The following XG variants were observed in gnomAD, a reference collection of about 807,000 sequenced individuals.
The protein encoded by XG is glycoprotein Xg.
XG carries 24 observed loss-of-function variants against 25.7 expected under a neutral mutation model. That is an observed-to-expected ratio of 0.93 (90% CI 0.68 to 1.31). The LOEUF (loss-of-function observed/expected upper bound fraction) is 1.31. Ranked by LOEUF, XG falls within the 40% of genes most tolerant of loss-of-function variation. The pLI is 0.00. For synonymous variants in XG, 77 were observed against 69.2 expected, an observed-to-expected ratio of 1.11 and a Z score of -0.56; for missense variants, 181 against 187.6, an observed-to-expected ratio of 0.96 and a Z score of 0.21.
intron 1 of XG, 26 bp downstream of exon 1, chrX:2,752,361 G>A (rs769688239): frequency 1.2e-6 from 2 of 1,612,368 alleles, no homozygotes; most frequent in African/African-American, 2.7e-5. Flanking sequence ...CTTTGAGGGA[G>A]ATCTGCCTGG....
chrX:2,776,327 G>A (rs1336215570), intron 3 of XG, among the ~76,000 whole-genome samples: 1 of 152,196 alleles, frequency 6.6e-6, no homozygotes, highest in African/African-American at 2.4e-5. Context: ...ATAAATGGTT[G>A]CAGGAAAGTA....
chrX:2,775,849 G>A (rs1260119475), intron 3 of XG, among the ~76,000 whole-genome samples: 11 of 150,974 alleles, frequency 7.3e-5, no homozygotes, highest in Non-Finnish European at 1.2e-4. Context: ...CCAGCTACTC[G>A]GGAGGCTGAG....
At chrX:2,805,473 C>G (rs1603457924) in intron 7 of XG, among the ~76,000 whole-genome samples, 1 of 110,356 alleles carries the variant, frequency 9.1e-6, no homozygotes, top group East Asian at 2.9e-4. Flanking sequence ...CTCACAGGGT[C>G]GTCCCTCTGT....
At chrX:2,756,325 T>C (rs1446130253) in intron 1 of XG, among the ~76,000 whole-genome samples, 8 of 151,982 alleles carry the variant, frequency 5.3e-5, no homozygotes, top group African/African-American at 1.7e-4. Context: ...ATGTCATTTA[T>C]TGAGGGGAAA....
chrX:2,768,906 G>A (rs1319669053), intron 1 of XG, among the ~76,000 whole-genome samples: 1 of 152,340 alleles, frequency 6.6e-6, no homozygotes, highest in Admixed American at 6.5e-5. Flanking sequence ...TGAGAGGGAC[G>A]TGGGGGCTCC....
Position 2,801,100 on chromosome X carries a change from A to C in XG, c.373+3740A>C, listed in dbSNP as rs182555748. Among the ~76,000 whole-genome samples, 5 of 110,460 alleles carry C rather than the reference A, an allele frequency of 4.5e-5. No individual in the cohort carries two copies. In the East Asian group the frequency reaches 1.4e-3, roughly 31 times the overall value. On this transcript the variant is annotated intron_variant, in intron 7 of 10. Coordinates refer to ENST00000644266, the MANE Select transcript of XG (RefSeq NM_001141919.2). ...AGCTAAGGGGTTCCCCTTACCTACT[A>C]CCTAGGTAGACCTGATTTATTAAGA... is the stretch of plus-strand genomic sequence containing the variant.
chrX:2,786,354 G>A (rs1023524566), intron 4 of XG, among the ~76,000 whole-genome samples: 2 of 97,641 alleles, frequency 2.0e-5, no homozygotes, highest in African/African-American at 3.8e-5. Context: ...TGCAACCTCC[G>A]CCTCCTGGGT....
intron 6 of XG, among the ~76,000 whole-genome samples, chrX:2,795,491 ATATCTT>A (rs57320118): frequency 0.088 from 9,297 of 106,208 alleles, 928 homozygotes; most frequent in African/African-American, 0.28. Context: ...ACATATGTGT[ATATCTT>A]TATATGTGTG....
intron 1 of XG, among the ~76,000 whole-genome samples, chrX:2,755,723 A>G (rs1181310497): frequency 6.6e-6 from 1 of 152,108 alleles, no homozygotes; most frequent in African/African-American, 2.4e-5. Flanking sequence ...CCTTCTGTGT[A>G]AATAAGATGA....
At chrX:2,790,062 G>T (rs5982861) in intron 5 of XG, among the ~76,000 whole-genome samples, 3,632 of 110,465 alleles carry the variant, frequency 0.033, 140 homozygotes, top group African/African-American at 0.11. Flanking sequence ...CAAATTTTTT[G>T]CAGAGACAGG....
At chrX:2,785,228 G>T (rs781388924) in intron 4 of XG, among the ~76,000 whole-genome samples, 2 of 111,601 alleles carry the variant, frequency 1.8e-5, no homozygotes, top group South Asian at 3.8e-4. Flanking sequence ...TTATGCCTCA[G>T]TCTGGCCCAG....
chrX:2,773,837 G>GAGAAGGAAGGAAGGA (rs1569462184), intron 2 of XG, among the ~76,000 whole-genome samples: 10 of 143,592 alleles, frequency 7.0e-5, no homozygotes, highest in African/African-American at 2.3e-4. Context: ...GAAGGAAGGA[G>GAGAAGGAAGGAAGGA]AGAAGGAAGG....
chrX:2,807,749 G>C lies in XG; in HGVS notation c.419-436G>C, dbSNP rs1270581658. On this transcript the variant is annotated intron_variant, in intron 8 of 10. Transcript: ENST00000644266. ...TGTGTGCACGTGTGTATGCGTGCTT[G>C]TCTGCCTGTGTGTTGCACGTTTGTT... Among the ~76,000 whole-genome samples the C allele has an allele frequency of 1.8e-5, 2 of 112,129 alleles. 1 individual carries two copies. Among genetic ancestry groups the C allele is most frequent in the African/African-American group, 6.5e-5 (2 of 30,846 alleles).
In XG at chrX:2,811,364, C is replaced by G; in HGVS notation, c.483C>G (p.Pro161=). 8.3e-7 allele frequency: 1 copy of G among 1,208,173 alleles called. No individual in the cohort carries two copies. The highest frequency in any genetic ancestry group is 1.1e-6 in the Non-Finnish European group (1 of 893,829). Residue 161 remains proline (P), a synonymous_variant, in exon 10 of 11, where the codon CCC becomes CCG. Transcript: ENST00000644266. ...EGNMVAKIVS[P]IVSVVVVTLL... ...ATATGGTAGCAAAAATCGTGTCTCCCATCGTATCCGTGGTGGTGGTGACAC... is the reference window on the plus strand; with the variant it reads ...ATATGGTAGCAAAAATCGTGTCTCCGATCGTATCCGTGGTGGTGGTGACAC...
chrX:2,764,841 G>C (rs1476929116), intron 1 of XG, among the ~76,000 whole-genome samples: 2 of 150,924 alleles, frequency 1.3e-5, no homozygotes, highest in East Asian at 3.9e-4. Context: ...AGGAGTTCAA[G>C]ACCATCCTGG....
rs1005203371 is a variant in XG, at chrX:2,801,814, T to C, written c.373+4454T>C. ...AGCTCCGCCTCCCGGGTTCACGCCA[T>C]TCTCCTGCCTCAGCCTCCCGAGTAG... is the stretch of plus-strand genomic sequence containing the variant. On this transcript the variant is annotated intron_variant, in intron 7 of 10. Transcript: ENST00000644266. Among the ~76,000 whole-genome samples the C allele has an allele frequency of 7.2e-5, 8 of 111,383 alleles. No individual in the cohort carries two copies. In the South Asian group the frequency reaches 1.1e-3, roughly 16 times the overall value.
chrX:2,791,491 A>G (rs1486164477), intron 5 of XG, among the ~76,000 whole-genome samples: 2 of 109,904 alleles, frequency 1.8e-5, no homozygotes, highest in Non-Finnish European at 3.8e-5. Context: ...AAAAACGAAC[A>G]CACTTTTGCC....
At chrX:2,802,031 T>G (rs1221268465) in intron 7 of XG, among the ~76,000 whole-genome samples, 2 of 111,778 alleles carry the variant, frequency 1.8e-5, no homozygotes, top group Non-Finnish European at 3.8e-5. Flanking sequence ...CAGGCTGCTC[T>G]TTGTTAGAAA....
At chrX:2,770,638 C>T in intron 2 of XG, 47 bp downstream of exon 2, 1 of 1,609,458 alleles carries the variant, frequency 6.2e-7, no homozygotes. Flanking sequence ...CAGCTTGGAT[C>T]TAACAGCATC....
Sources: allele counts gnomAD v4.1 joint callset (sites outside exome capture counted in the v4.1 genomes callset), GRCh38; gene constraint gnomAD v4.1.1; transcripts MANE v1.5; gene names NCBI Gene and HGNC (gene_info 2026-07-23, HGNC 2026-07-21).